DMD: variants seen among roughly 807,000 people sequenced by gnomAD.
DMD encodes the protein mutant dystrophin.
Under a neutral mutation model 330.1 loss-of-function variants are expected in DMD, and 63 were observed. The ratio of observed to expected loss-of-function variants is 0.19; its 90% CI spans 0.16 to 0.24. The LOEUF is 0.24. DMD is among the 10% of genes least tolerant of loss of function. DMD has a pLI of 1.00. For missense variants in DMD, 3,344 were observed against 2,684.1 expected (o/e 1.25, Z -5.43); for synonymous variants, 1,223 against 959.8 (o/e 1.27, Z -5.07).
intron 1 of DMD, among the ~76,000 whole-genome samples, chrX:33,023,903 A>G (rs144258137): frequency 0.011 from 1,276 of 111,517 alleles, 24 homozygotes; most frequent in African/African-American, 0.039. Flanking sequence ...TAAGCTACTC[A>G]CTTTTAGTCA....
chrX:32,255,550 C>T (rs781659514), intron 43 of DMD, among the ~76,000 whole-genome samples: 1 of 111,566 alleles, frequency 9.0e-6, no homozygotes, highest in South Asian at 3.7e-4. Context: ...TAACTTCTGT[C>T]TTACAAAATT....
At chrX:31,404,904 G>C (rs1270791043) in intron 60 of DMD, among the ~76,000 whole-genome samples, 1 of 112,284 alleles carries the variant, frequency 8.9e-6, no homozygotes, top group Non-Finnish European at 1.9e-5. Flanking sequence ...TCAGTGCAGA[G>C]AGTGCGAACA....
intron 44 of DMD, among the ~76,000 whole-genome samples, chrX:32,021,284 T>C (rs1216235045): frequency 2.7e-5 from 3 of 111,804 alleles, no homozygotes; most frequent in South Asian, 3.7e-4. Flanking sequence ...AGATTAGAGA[T>C]GGGGTGGTTC....
intron 41 of DMD, among the ~76,000 whole-genome samples, chrX:32,334,427 T>G (rs981467187): frequency 8.9e-6 from 1 of 112,075 alleles, no homozygotes; most frequent in Non-Finnish European, 1.9e-5. Context: ...GAAGAAAATC[T>G]ATGTGGCAAT....
At chrX:32,379,318 C>T (rs1164335076) in intron 34 of DMD, among the ~76,000 whole-genome samples, 2 of 109,586 alleles carry the variant, frequency 1.8e-5, no homozygotes, top group Non-Finnish European at 1.9e-5. Flanking sequence ...TTCAAGCCTT[C>T]TATATGAGAA....
At chrX:32,919,947 G>A (rs1303676227) in intron 2 of DMD, among the ~76,000 whole-genome samples, 1 of 111,635 alleles carries the variant, frequency 9.0e-6, no homozygotes, top group Non-Finnish European at 1.9e-5. Flanking sequence ...TGTGATCTTT[G>A]CAAACATAAC....
rs2094864269 is a variant in DMD at position 31,932,215 on chromosome X, T to A, written c.6627A>T (p.Gln2209His). ...LSDRKKRLEEQKNILSEFQRD... is the reference protein window; with the variant it reads ...LSDRKKRLEEHKNILSEFQRD... ...TTTGAAATTCTGACAAGATATTCTT[T>A]TGTTCTTCTAGCCTGGAGAAAGAAG... is the stretch of plus-strand genomic sequence containing the variant. The change falls in exon 46 of 79, where the codon CAA becomes CAT. Residue 2209 changes from glutamine to histidine, a missense_variant. Coordinates refer to ENST00000357033, the MANE Select transcript of DMD (RefSeq NM_004006.3). 8.4e-7 allele frequency: 1 copy of A among 1,184,361 alleles called. No homozygotes were observed. Among genetic ancestry groups the A allele is most frequent in the African/African-American group, 1.8e-5 (1 of 56,765 alleles).
At chrX:31,831,342 G>A (rs1402225588) in intron 49 of DMD, among the ~76,000 whole-genome samples, 3 of 111,932 alleles carry the variant, frequency 2.7e-5, no homozygotes, top group Non-Finnish European at 5.6e-5. Context: ...ATTTCTAAAT[G>A]AGTGTGTTAT....
At chrX:31,452,865 T>C (rs1056957270) in intron 59 of DMD, among the ~76,000 whole-genome samples, 5 of 111,867 alleles carry the variant, frequency 4.5e-5, no homozygotes, top group Non-Finnish European at 7.5e-5. Context: ...CAGGGAAGTA[T>C]TGACCACAAA....
At chrX:31,345,792 C>A (rs1365642897) in intron 61 of DMD, among the ~76,000 whole-genome samples, 1 of 111,738 alleles carries the variant, frequency 8.9e-6, no homozygotes, top group Non-Finnish European at 1.9e-5. Context: ...TTTAACTTAT[C>A]CCTTTTTCTT....
chrX:33,144,005 G>A (rs1716204642), intron 1 of DMD, among the ~76,000 whole-genome samples: 2 of 111,681 alleles, frequency 1.8e-5, no homozygotes, highest in South Asian at 7.4e-4. Context: ...TCTGTTTTCT[G>A]TTAAATGGAT....
intron 46 of DMD, among the ~76,000 whole-genome samples, chrX:31,930,857 A>C (rs2094844310): frequency 8.9e-6 from 1 of 112,497 alleles, no homozygotes; most frequent in Non-Finnish European, 1.9e-5. Flanking sequence ...TTTCCAAGAA[A>C]AGACTGAGTT....
intron 9 of DMD, among the ~76,000 whole-genome samples, chrX:32,649,963 C>G (rs60290309): frequency 0.016 from 1,782 of 111,093 alleles, 41 homozygotes; most frequent in African/African-American, 0.055. Flanking sequence ...AAGAAATGCT[C>G]TGCAATGCCT....
At position 32,595,817 on chromosome X, in the gene DMD, C is replaced by T; in HGVS notation, c.1542G>A (p.Val514=). 8.3e-7 allele frequency: 1 copy of T among 1,204,491 alleles called. No individual in the cohort carries two copies. The highest frequency in any genetic ancestry group is 3.0e-5 in the East Asian group (1 of 33,798). Residue 514 remains valine, a synonymous_variant, in exon 13 of 79, where the codon GTG becomes GTA. Coordinates refer to ENST00000357033, the MANE Select transcript of DMD (RefSeq NM_004006.3). ...CTCCACTAGATTCATCAACTACCACCACCATGTGAGTGAGAGAATTGACCC... is the reference window on the plus strand; with the variant it reads ...CTCCACTAGATTCATCAACTACCACTACCATGTGAGTGAGAGAATTGACCC... ...QVRVNSLTHM[V]VVVDESSGDH... is the part of the protein sequence containing the mutation.
At chrX:32,673,704 A>G (rs1174706754) in intron 9 of DMD, among the ~76,000 whole-genome samples, 1 of 112,257 alleles carries the variant, frequency 8.9e-6, no homozygotes, top group Non-Finnish European at 1.9e-5. Context: ...AGCAGCTTCT[A>G]TGTAATCTAT....
chrX:31,436,952 T>C (rs1283006286), intron 60 of DMD, among the ~76,000 whole-genome samples: 1 of 111,898 alleles, frequency 8.9e-6, no homozygotes, highest in Non-Finnish European at 1.9e-5. Flanking sequence ...CTTTTAGCTT[T>C]TACAAAACTC....
rs752823475 is a variant in DMD, at chrX:32,138,971, G to A, written c.6438+77945C>T. Among the ~76,000 whole-genome samples the A allele has an allele frequency of 2.7e-5, 3 of 112,300 alleles. No homozygotes were observed. In the East Asian group the frequency reaches 8.4e-4, roughly 31 times the overall value. On this transcript the variant is annotated intron_variant, in intron 44 of 78. Coordinates refer to ENST00000357033, the MANE Select transcript of DMD (RefSeq NM_004006.3). ...TATCACTTAGTAAACGACTAACTTA[G>A]ACCACTGGACGGAACTTTTTTTGGA...
At chrX:31,326,889 C>T (rs1345609581) in intron 61 of DMD, among the ~76,000 whole-genome samples, 1 of 111,942 alleles carries the variant, frequency 8.9e-6, no homozygotes, top group Non-Finnish European at 1.9e-5. Context: ...AGTACTGATG[C>T]CAACAACAGC....
intron 60 of DMD, among the ~76,000 whole-genome samples, chrX:31,389,539 T>C (rs962679186): frequency 8.9e-6 from 1 of 112,045 alleles, no homozygotes; most frequent in Non-Finnish European, 1.9e-5. Flanking sequence ...AAGATAAAGA[T>C]GCCGAAACTC....
Sources: gnomAD v4.1 joint callset for allele counts (sites outside exome capture counted in the v4.1 genomes callset) on GRCh38, gnomAD v4.1.1 for gene constraint, MANE v1.5 for transcripts, NCBI Gene and HGNC (gene_info 2026-07-23, HGNC 2026-07-21) for gene names.